HSDL2: variants seen among roughly 807,000 people sequenced by gnomAD.
The protein encoded by HSDL2 is hydroxysteroid dehydrogenase like 2, also known as hydroxysteroid dehydrogenase-like protein 2.
In HSDL2, 27 loss-of-function variants were observed where a neutral mutation model predicts 46.3. The ratio of observed to expected loss-of-function variants is 0.58; its 90% CI spans 0.43 to 0.80. The LOEUF (loss-of-function observed/expected upper bound fraction) is 0.80, where lower values mean the gene tolerates loss of function less well. HSDL2 is among the 30% of genes least tolerant of loss of function. The pLI is 0.00. For missense variants in HSDL2, 451 were observed against 502.7 expected (o/e 0.90, Z 0.98); for synonymous variants, 153 against 163.6 (o/e 0.94, Z 0.50).
chr9:112,466,548 C>T (rs1291682690), intron 10 of HSDL2, among the ~76,000 whole-genome samples: 1 of 21,452 alleles, frequency 4.7e-5, no homozygotes, highest in African/African-American at 2.4e-4. Context: ...GAGACTGTCT[C>T]AAAAAAAAAA....
intron 7 of HSDL2, among the ~76,000 whole-genome samples, chr9:112,440,974 C>T (rs1018172741): frequency 6.6e-6 from 1 of 152,066 alleles, no homozygotes; most frequent in African/African-American, 2.4e-5. Flanking sequence ...TGCCACTGCA[C>T]TCAAGCCTGG....
chr9:112,396,458 A>T (rs1417710958), intron 1 of HSDL2, among the ~76,000 whole-genome samples: 1 of 152,122 alleles, frequency 6.6e-6, no homozygotes, highest in Admixed American at 6.5e-5. Context: ...CGGCTTTTTC[A>T]CCACCAGAGC....
intron 7 of HSDL2, among the ~76,000 whole-genome samples, chr9:112,439,126 G>A (rs995595603): frequency 1.3e-5 from 2 of 152,090 alleles, no homozygotes; most frequent in South Asian, 4.1e-4. Flanking sequence ...TCAGCCTCTA[G>A]AGTAGCTGGG....
chr9:112,449,556 T>C, intron 8 of HSDL2, among the ~76,000 whole-genome samples: 1 of 152,092 alleles, frequency 6.6e-6, no homozygotes, highest in East Asian at 1.9e-4. Context: ...ATATAACTTA[T>C]ATATACCAAA....
chr9:112,409,993 T>A (rs1453466350), intron 4 of HSDL2, among the ~76,000 whole-genome samples: 1 of 151,550 alleles, frequency 6.6e-6, no homozygotes, highest in Non-Finnish European at 1.5e-5. Flanking sequence ...CCAGCAATAG[T>A]CTCCTTCCTC....
intron 7 of HSDL2, among the ~76,000 whole-genome samples, chr9:112,439,321 A>G (rs947584320): frequency 6.6e-5 from 10 of 152,166 alleles, no homozygotes; most frequent in Non-Finnish European, 1.3e-4. Context: ...TTTTGTTTAA[A>G]ATAATTTATG....
chr9:112,445,087 C>T (rs1832727601), intron 8 of HSDL2, among the ~76,000 whole-genome samples: 2 of 152,016 alleles, frequency 1.3e-5, no homozygotes, highest in Non-Finnish European at 2.9e-5. Context: ...TTATATTGCC[C>T]AGGCTGGTCT....
chr9:112,387,740 A>G (rs1436839628), intron 1 of HSDL2, among the ~76,000 whole-genome samples: 1 of 152,194 alleles, frequency 6.6e-6, no homozygotes, highest in African/African-American at 2.4e-5. Context: ...TTGACATTAT[A>G]AAGTGAGTAC....
intron 1 of HSDL2, among the ~76,000 whole-genome samples, chr9:112,389,062 C>T (rs377101800): frequency 5.9e-5 from 9 of 151,380 alleles, no homozygotes; most frequent in East Asian, 3.9e-4. Flanking sequence ...GGGTCAGTCT[C>T]TGTTTCCCAG....
chr9:112,451,120 G>T (rs1482375959), intron 8 of HSDL2, among the ~76,000 whole-genome samples: 5 of 152,104 alleles, frequency 3.3e-5, no homozygotes, highest in African/African-American at 1.2e-4. Context: ...AGGAAGTTGA[G>T]GCTGCAGTGA....
chr9:112,387,458 G>A (rs890846920), intron 1 of HSDL2, among the ~76,000 whole-genome samples: 1 of 152,040 alleles, frequency 6.6e-6, no homozygotes, highest in Non-Finnish European at 1.5e-5. Flanking sequence ...GGGCTAAAGC[G>A]TTCTGCCCAC....
chr9:112,429,964 TCCC>T (rs763452275), intron 6 of HSDL2, among the ~76,000 whole-genome samples: 2 of 151,738 alleles, frequency 1.3e-5, no homozygotes, highest in Non-Finnish European at 2.9e-5. Context: ...GCGCCTGTCG[TCCC>T]AACTACTCAG....
At chr9:112,395,364 A>G (rs1361948745) in intron 1 of HSDL2, among the ~76,000 whole-genome samples, 4 of 152,218 alleles carry the variant, frequency 2.6e-5, no homozygotes, top group Non-Finnish European at 5.9e-5. Flanking sequence ...GCACCCAGAC[A>G]GGGGATTGAT....
At chr9:112,459,305 T>C (rs1010618371) in intron 9 of HSDL2, 144 bp from the exon 10 acceptor site, 4 of 796,164 alleles carry the variant, frequency 5.0e-6, no homozygotes, top group Non-Finnish European at 7.9e-6. Context: ...GCTTAATAAA[T>C]ATTTGCTGAA....
At chr9:112,461,377 C>G (rs1018510777) in intron 10 of HSDL2, among the ~76,000 whole-genome samples, 5 of 152,186 alleles carry the variant, frequency 3.3e-5, no homozygotes, top group African/African-American at 1.2e-4. Flanking sequence ...CCGCGCCCGG[C>G]CCCTTTAATG....
chr9:112,411,801 A>G (rs998829453), intron 4 of HSDL2, among the ~76,000 whole-genome samples: 1 of 152,236 alleles, frequency 6.6e-6, no homozygotes, highest in Non-Finnish European at 1.5e-5. Flanking sequence ...GTACTAGAAA[A>G]AATTATATGG....
In HSDL2 at chr9:112,471,162, T is replaced by C. The variant is rs1833566713; in HGVS notation, c.*618T>C. The C allele has an allele frequency of 6.6e-6, 1 of 152,264 alleles. No individual in the cohort carries two copies. The highest frequency in any genetic ancestry group is 1.5e-5 in the Non-Finnish European group (1 of 68,060). The allele number at this position is 152,264 out of a possible 1,614,324, so 9.4% of individuals were successfully genotyped here. ...GCTGCATGTATTCCATTTAAAAATA[T>C]GTTTAAATTGTCCTAAAACAAAATA... On this transcript the variant is annotated 3_prime_UTR_variant, in exon 11 of 11. Transcript: ENST00000398805.
intron 4 of HSDL2, among the ~76,000 whole-genome samples, chr9:112,416,220 C>T (rs767403376): frequency 2.6e-5 from 4 of 151,288 alleles, no homozygotes; most frequent in East Asian, 1.9e-4. Context: ...GACACGCCTG[C>T]GCCACATAGC....
intron 6 of HSDL2, among the ~76,000 whole-genome samples, chr9:112,435,150 G>C (rs767634077): frequency 6.6e-6 from 1 of 151,936 alleles, no homozygotes; most frequent in Non-Finnish European, 1.5e-5. Context: ...GTGCCTAGTT[G>C]TACCTTCTTT....
Sources: allele counts gnomAD v4.1 joint callset (sites outside exome capture counted in the v4.1 genomes callset), GRCh38; gene constraint gnomAD v4.1.1; transcripts MANE v1.5; gene names NCBI Gene and HGNC (gene_info 2026-07-23, HGNC 2026-07-21).